TTC34: variants seen among roughly 807,000 people sequenced by gnomAD.
The protein encoded by TTC34 is tetratricopeptide repeat protein 34.
A neutral mutation model predicts 40.7 loss-of-function variants in TTC34; 44 were observed. The ratio of observed to expected loss-of-function variants is 1.08; its 90% CI spans 0.85 to 1.39. The LOEUF (loss-of-function observed/expected upper bound fraction) is 1.39. Among genes scored for constraint, TTC34 ranks in the 40% most tolerant of loss-of-function variants. The probability of loss-of-function intolerance (pLI) is 0.00; values close to 1 mark genes in which losing one functional copy is unlikely to be tolerated. For missense variants in TTC34, 884 were observed against 838.0 expected (o/e 1.05, Z -0.68); for synonymous variants, 422 against 398.6 (o/e 1.06, Z -0.70).
At chr1:2,755,696 C>A (rs1261488157) in intron 6 of TTC34, among the ~76,000 whole-genome samples, 1 of 60,980 alleles carries the variant, frequency 1.6e-5, no homozygotes, top group Non-Finnish European at 2.9e-5. Context: ...TGGAGCAGCA[C>A]CCCAAACCCA....
intron 6 of TTC34, among the ~76,000 whole-genome samples, chr1:2,781,778 T>C (rs1018134466): frequency 6.6e-6 from 1 of 152,220 alleles, no homozygotes; most frequent in African/African-American, 2.4e-5. Flanking sequence ...GAGATGATCA[T>C]TTTTTCCCTT....
At chr1:2,783,379 C>T (rs1643517857) in intron 6 of TTC34, among the ~76,000 whole-genome samples, 1 of 152,242 alleles carries the variant, frequency 6.6e-6, no homozygotes, top group African/African-American at 2.4e-5. Flanking sequence ...CATCTATCCA[C>T]ACAGACTGAG....
At position 2,789,581 on chromosome 1, in the gene TTC34, C is replaced by A. The variant is rs1311551042; in HGVS notation, c.1550G>T (p.Arg517Leu). The A allele has an allele frequency of 3.4e-6, 5 of 1,475,084 alleles. No individual in the cohort carries two copies. The Admixed American group carries it at 6.9e-5, about 20-fold the overall frequency. 91.4% of individuals were successfully genotyped at this position (1,475,084 alleles called of 1,614,324 possible). A position where few individuals can be genotyped will look rare whatever the true frequency, so the allele number is the denominator to read the frequency against. Residue 517 changes from arginine (R) to leucine (L), a missense_variant, in exon 3 of 9, where the codon CGA becomes CTA. Physicochemically the swap from Arg to Leu is moderately radical, Grantham distance 102. Transcript: ENST00000401095. ...TCTGGACGGCCCGGCGCGTGGAGAT[C>A]GCTGCAGCATCCCACGGGCCTCCTC... is the stretch of plus-strand genomic sequence containing the variant.
chr1:2,780,306 A>G (rs925939431), intron 6 of TTC34, among the ~76,000 whole-genome samples: 1 of 152,108 alleles, frequency 6.6e-6, no homozygotes, highest in African/African-American at 2.4e-5. Context: ...ATGAAATCCA[A>G]CTTTATTTTT....
At chr1:2,699,206 C>CGG (rs1641012621) in intron 6 of TTC34, among the ~76,000 whole-genome samples, 1 of 97,760 alleles carries the variant, frequency 1.0e-5, no homozygotes, top group African/African-American at 3.5e-5. Context: ...GAGCAGCACC[C>CGG]ACACCCCCAG....
chr1:2,787,576 G>A (rs757895008), exon 4 of TTC34: 1 of 1,548,086 alleles, frequency 6.5e-7, no homozygotes, highest in Non-Finnish European at 8.7e-7. Flanking sequence ...AGGGCCACCA[G>A]CAGGGCCTTG....
intron 6 of TTC34, among the ~76,000 whole-genome samples, chr1:2,687,847 C>A (rs527438975): frequency 3.4e-4 from 42 of 122,958 alleles, no homozygotes; most frequent in African/African-American, 1.6e-3. Context: ...TTACCCACAC[C>A]CACAGTTGAG....
intron 7 of TTC34, 121 bp from the exon 8 acceptor site, chr1:2,644,599 C>T: frequency 9.4e-7 from 1 of 1,058,518 alleles, no homozygotes; most frequent in Non-Finnish European, 1.3e-6. Flanking sequence ...GATGATGGCT[C>T]AGCCCAGGAA....
intron 5 of TTC34, 74 bp downstream of exon 5, chr1:2,785,745 G>A (rs1643576882): frequency 1.4e-6 from 2 of 1,460,086 alleles, no homozygotes; most frequent in Admixed American, 4.7e-5. Context: ...CCACCAACCA[G>A]CATGGCAGAG....
chr1:2,644,224 G>T (rs956584034), intron 8 of TTC34, 40 bp downstream of exon 8: 56 of 1,512,730 alleles, frequency 3.7e-5, no homozygotes, highest in Admixed American at 1.6e-4. Context: ...TGTGTGCTGG[G>T]GAAGGTTGGG....
chr1:2,657,748 T>C (rs1460374353), intron 6 of TTC34, among the ~76,000 whole-genome samples: 11 of 44,530 alleles, frequency 2.5e-4, no homozygotes, highest in Middle Eastern at 0.019. Context: ...CACCCTCAGG[T>C]GAGCATCTGA....
chr1:2,684,071 C>G (rs74931412), intron 6 of TTC34, among the ~76,000 whole-genome samples: 1 of 82,886 alleles, frequency 1.2e-5, no homozygotes, highest in Non-Finnish European at 2.7e-5. Context: ...GAACAGCACC[C>G]ACATCCCCAG....
intron 6 of TTC34, among the ~76,000 whole-genome samples, chr1:2,751,745 A>G (rs1641327612): frequency 6.7e-6 from 1 of 148,990 alleles, no homozygotes; most frequent in Non-Finnish European, 1.5e-5. Flanking sequence ...TGAGCATCTG[A>G]CATCGTAGAG....
intron 6 of TTC34, among the ~76,000 whole-genome samples, chr1:2,687,118 C>T (rs199938865): frequency 0.065 from 9,070 of 140,042 alleles, 314 homozygotes; most frequent in Admixed American, 0.12. Context: ...GGAGTAGCAC[C>T]CCACACCCAC....
chr1:2,753,326 T>A (rs1416927043), intron 6 of TTC34, among the ~76,000 whole-genome samples: 8 of 59,000 alleles, frequency 1.4e-4, no homozygotes, highest in African/African-American at 8.7e-4. Flanking sequence ...GCCTGGAGCA[T>A]CACCCACACC....
At chr1:2,751,441 C>A (rs1231467418) in intron 6 of TTC34, among the ~76,000 whole-genome samples, 1 of 117,346 alleles carries the variant, frequency 8.5e-6, no homozygotes, top group Non-Finnish European at 1.8e-5. Flanking sequence ...GGAACAGAGC[C>A]CAGACCCCCA....
chr1:2,650,695 G>A (rs1639111434), intron 6 of TTC34, among the ~76,000 whole-genome samples: 1 of 141,098 alleles, frequency 7.1e-6, no homozygotes. Flanking sequence ...GTCGGGAACA[G>A]CACCTCACAC....
intron 6 of TTC34, among the ~76,000 whole-genome samples, chr1:2,767,357 C>A (rs1641797542): frequency 1.1e-5 from 1 of 91,334 alleles, no homozygotes; most frequent in Admixed American, 1.2e-4. Context: ...GAATGTCATC[C>A]TCACTTCCAG....
intron 6 of TTC34, among the ~76,000 whole-genome samples, chr1:2,783,217 T>C (rs528857503): frequency 8.8e-4 from 134 of 152,298 alleles, no homozygotes; most frequent in African/African-American, 2.7e-3. Flanking sequence ...CCTCTGTGCA[T>C]GTCCTCTAAA....
Sources: gnomAD v4.1 joint callset for allele counts (sites outside exome capture counted in the v4.1 genomes callset) on GRCh38, gnomAD v4.1.1 for gene constraint, MANE v1.5 for transcripts, NCBI Gene and HGNC (gene_info 2026-07-23, HGNC 2026-07-21) for gene names.